The following NGFR variants were observed in gnomAD, a reference collection of about 807,000 sequenced individuals.
The protein encoded by NGFR is nerve growth factor receptor, also known as tumor necrosis factor receptor superfamily member 16.
Under a neutral mutation model 43.2 loss-of-function variants are expected in NGFR, and 30 were observed. That is an observed-to-expected ratio of 0.69 (90% CI 0.52 to 0.94). NGFR has a LOEUF of 0.94. NGFR is among the 40% of genes least tolerant of loss of function. The pLI is 0.00. For synonymous variants in NGFR, 246 were observed against 259.6 expected (o/e 0.95, Z 0.50); for missense variants, 529 against 602.5 (o/e 0.88, Z 1.28).
In NGFR at chr17:49,513,081, G is replaced by A. The variant is rs977754410; in HGVS notation, c.*72G>A. 10 of 1,411,968 alleles carry A rather than the reference G, an allele frequency of 7.1e-6. No homozygotes were observed. Among genetic ancestry groups the A allele is most frequent in the South Asian group, 1.5e-5 (1 of 68,748 alleles). The allele number at this position is 1,411,968 out of a possible 1,614,324, so 87.5% of individuals were successfully genotyped here. On this transcript the variant is annotated 3_prime_UTR_variant, in exon 6 of 6. Transcript: ENST00000172229. ...GCTCCAGCCAACCCCTGTGGAGCCC[G>A]CACCCCCACCCTTTGGGGGGGGCCC...
Position 49,512,660 on chromosome 17 carries a change from GA to G in NGFR, c.983-45del, listed in dbSNP as rs776923755. 2.6e-6 allele frequency: 4 copies of G among 1,528,848 alleles called. No individual in the cohort carries two copies. Among genetic ancestry groups the G allele is most frequent in the Non-Finnish European group, 3.5e-6 (4 of 1,136,594 alleles). The allele number at this position is 1,528,848 out of a possible 1,614,324, so 94.7% of individuals were successfully genotyped here. ...TCTCACCCCAGTGCCCACTGTTGGG[GA>G]AAGGAGTTCAGGGGTAGGACCTGAC... On this transcript the variant is annotated intron_variant, in intron 5 of 5. Coordinates refer to ENST00000172229, the MANE Select transcript of NGFR (RefSeq NM_002507.4). The surrounding 1 kb of genome is among the most constrained non-coding windows in gnomAD (Gnocchi z 5.2).
chr17:49,501,052 G>A (rs543464618), intron 1 of NGFR, among the ~76,000 whole-genome samples: 1 of 152,328 alleles, frequency 6.6e-6, no homozygotes, highest in South Asian at 2.1e-4. Flanking sequence ...AGCAGGCTTT[G>A]GAGTTTTATT....
In NGFR at chr17:49,510,418, C is replaced by G. The variant is rs767868796; in HGVS notation, c.575C>G (p.Pro192Arg). ...CTGTGGCCTTTTCTCCCAGAGATCCCTGGCCGTTGGATTACACGGTCCACA... is the reference window on the plus strand; with the variant it reads ...CTGTGGCCTTTTCTCCCAGAGATCCGTGGCCGTTGGATTACACGGTCCACA... ...RWADAECEEI[P>R]GRWITRSTPP... Residue 192 changes from proline (P) to arginine (R), a missense_variant, in exon 4 of 6, where the codon CCT (proline) becomes CGT (arginine). By Grantham distance (103) the Pro-to-Arg change is moderately radical. Transcript: ENST00000172229. 1 of 1,613,696 alleles carries G rather than the reference C, an allele frequency of 6.2e-7. No individual in the cohort carries two copies. The highest frequency in any genetic ancestry group is 1.1e-5 in the South Asian group (1 of 91,074).
intron 3 of NGFR, among the ~76,000 whole-genome samples, chr17:49,507,807 C>A (rs556097760): frequency 1.6e-4 from 25 of 152,304 alleles, no homozygotes; most frequent in African/African-American, 5.8e-4. Flanking sequence ...GGAGAGATAG[C>A]CTTCGCCCAG....
chr17:49,510,786 C>T (rs1476507175), intron 4 of NGFR, 122 bp downstream of exon 4: 5 of 1,259,926 alleles, frequency 4.0e-6, no homozygotes, highest in Admixed American at 1.9e-5. Flanking sequence ...AGCTCATCCT[C>T]ACTCATCATC....
chr17:49,502,018 C>CCCCCCAAAAA, intron 1 of NGFR, 45 bp from the exon 2 acceptor site: 1 of 1,320,358 alleles, frequency 7.6e-7, no homozygotes, highest in Non-Finnish European at 1.0e-6. Context: ...CAACCCACCC[C>CCCCCCAAAAA]AGCTTTCTCT....
chr17:49,506,107 C>G (rs535330913), intron 2 of NGFR, 192 bp from the exon 3 acceptor site: 2 of 1,168,858 alleles, frequency 1.7e-6, no homozygotes, highest in Admixed American at 6.6e-5. Context: ...CCTCCTCCCC[C>G]TTTCCCAGTT....
chr17:49,506,634 C>T lies in NGFR; in HGVS notation c.544C>T (p.Arg182Cys), dbSNP rs773465282. Reference protein sequence around the residue: ...DTERQLRECTRWADAECEEIP... With the variant: ...DTERQLRECTCWADAECEEIP... ...CGAGCGCCAGCTCCGCGAGTGCACA[C>T]GCTGGGCCGACGCCGAGTGCGAGGG... The change falls in exon 3 of 6, where the codon CGC (arginine) becomes TGC (cysteine). Residue 182 changes from arginine (R) to cysteine (C), a missense_variant. Arg to Cys is a radical substitution (Grantham distance 180). Transcript: ENST00000172229. 3.6e-6 allele frequency: 5 copies of T among 1,380,216 alleles called. No homozygotes were observed. The highest frequency in any genetic ancestry group is 2.0e-5 in the Admixed American group (1 of 49,788). The allele number at this position is 1,380,216 out of a possible 1,614,324, so 85.5% of individuals were successfully genotyped here. A position where few individuals can be genotyped will look rare whatever the true frequency, so the allele number is the denominator to read the frequency against.
chr17:49,506,924 C>T (rs866584503), intron 3 of NGFR, among the ~76,000 whole-genome samples: 1 of 152,276 alleles, frequency 6.6e-6, no homozygotes. Context: ...CTCAGCGTCC[C>T]AGGCCGCGGG....
chr17:49,510,488 T>A lies in NGFR; in HGVS notation c.645T>A (p.Pro215=). 6.2e-7 allele frequency: 1 copy of A among 1,614,080 alleles called. No homozygotes were observed. The highest frequency in any genetic ancestry group is 8.5e-7 in the Non-Finnish European group (1 of 1,179,998). ...GCACAGCCCCCAGCACCCAGGAGCC[T>A]GAGGCACCTCCAGAACAAGACCTCA... ...SDSTAPSTQE[P]EAPPEQDLIA... Residue 215 remains proline (P), a synonymous_variant, in exon 4 of 6, where the codon CCT becomes CCA. Transcript: ENST00000172229.
In NGFR at chr17:49,495,525, C is replaced by T; in HGVS notation, c.66+42C>T. ...GGGGGCCCGCTCCCTTTCCCGGGAT[C>T]AGAACTCCGAGAAGAGCCGGGCGCC... On this transcript the variant is annotated intron_variant, in intron 1 of 5. Transcript: ENST00000172229. This position sits in a 1 kb window ranked among gnomAD's most constrained non-coding sequence, Gnocchi z 6.4. The T allele has an allele frequency of 8.2e-7, 1 of 1,222,476 alleles. No homozygotes were observed. Among genetic ancestry groups the T allele is most frequent in the Non-Finnish European group, 1.0e-6 (1 of 976,782 alleles). 75.7% of individuals were successfully genotyped at this position (1,222,476 alleles called of 1,614,324 possible). A position where few individuals can be genotyped will look rare whatever the true frequency, so the allele number is the denominator to read the frequency against.
At chr17:49,503,357 C>G (rs906875555) in intron 2 of NGFR, among the ~76,000 whole-genome samples, 1 of 152,192 alleles carries the variant, frequency 6.6e-6, no homozygotes, top group African/African-American at 2.4e-5. Context: ...CTGATCGGTG[C>G]CCCCAGTCCT....
intron 1 of NGFR, among the ~76,000 whole-genome samples, chr17:49,501,741 G>C (rs1276896701): frequency 6.6e-6 from 1 of 152,190 alleles, no homozygotes; most frequent in East Asian, 1.9e-4. Flanking sequence ...TAGGCCCTCC[G>C]CTGGGCCTCT....
chr17:49,513,045 C>G lies in NGFR; in HGVS notation c.*36C>G, dbSNP rs772558635. The G allele has an allele frequency of 6.8e-7, 1 of 1,472,060 alleles. No individual in the cohort carries two copies. Among genetic ancestry groups the G allele is most frequent in the Admixed American group, 2.3e-5 (1 of 43,584 alleles). The allele number at this position is 1,472,060 out of a possible 1,614,324, so 91.2% of individuals were successfully genotyped here. ...GGAGCCCCCGCCCCGCCCCACATTC[C>G]GACAACCGATGCTCCAGCCAACCCC... On this transcript the variant is annotated 3_prime_UTR_variant, in exon 6 of 6. Transcript: ENST00000172229.
At chr17:49,506,252 G>C (rs766245070) in intron 2 of NGFR, 47 bp from the exon 3 acceptor site, 2 of 1,509,676 alleles carry the variant, frequency 1.3e-6, no homozygotes, top group South Asian at 1.3e-5. Context: ...CTGCGTCCCG[G>C]GTGCCCAAAA....
chr17:49,501,999 A>AGGCCCCCCCCCCCC, intron 1 of NGFR, 64 bp from the exon 2 acceptor site: 16 of 330,970 alleles, frequency 4.8e-5, no homozygotes, highest in Non-Finnish European at 5.9e-5. Flanking sequence ...TCCCCGGAAG[A>AGGCCCCCCCCCCCC]ACCCCCCCCA....
Position 49,514,524 on chromosome 17 carries a change from G to A in NGFR, c.*1515G>A, listed in dbSNP as rs741073. ...CTGTTCTGTTTTGCCTGAAGTTGGAGTGAGTGTGGCTCCCCTCTATTTAGC... is the reference window on the plus strand; with the variant it reads ...CTGTTCTGTTTTGCCTGAAGTTGGAATGAGTGTGGCTCCCCTCTATTTAGC... On this transcript the variant is annotated 3_prime_UTR_variant, in exon 6 of 6. Transcript: ENST00000172229. 49,325 of 152,060 alleles carry A rather than the reference G, an allele frequency of 0.32. 8,655 individuals are homozygous for A. The highest frequency in any genetic ancestry group is 0.46 in the African/African-American group (18,960 of 41,478). The allele number at this position is 152,060 out of a possible 1,614,324, so 9.4% of individuals were successfully genotyped here.
rs1030374516 is a variant in NGFR at position 49,512,622 on chromosome 17, G to A, written c.983-86G>A. 46 of 1,471,422 alleles carry A rather than the reference G, an allele frequency of 3.1e-5. No individual in the cohort carries two copies. Among genetic ancestry groups the A allele is most frequent in the Admixed American group, 6.9e-5 (3 of 43,656 alleles). The allele number at this position is 1,471,422 out of a possible 1,614,324, so 91.1% of individuals were successfully genotyped here. ...TCCAGATGGGGAGGAGCACTGCCTC[G>A]GCCCTTCTTGGGTCTCACCCCAGTG... On this transcript the variant is annotated intron_variant, in intron 5 of 5. Transcript: ENST00000172229. The surrounding 1 kb of genome is among the most constrained non-coding windows in gnomAD (Gnocchi z 5.2).
chr17:49,502,328 A>T (rs2071171980), intron 2 of NGFR, 124 bp downstream of exon 2: 2 of 1,090,182 alleles, frequency 1.8e-6, no homozygotes, highest in Non-Finnish European at 2.5e-6. Flanking sequence ...CTGTAAGGTC[A>T]TCAGAAGTGG....
Sources: gnomAD v4.1 joint callset for allele counts (sites outside exome capture counted in the v4.1 genomes callset) on GRCh38, gnomAD v4.1.1 for gene constraint, Gnocchi (gnomAD v3.1) non-coding constraint, MANE v1.5 for transcripts, NCBI Gene and HGNC (gene_info 2026-07-23, HGNC 2026-07-21) for gene names.